The following CSMD2 variants were observed in gnomAD, a reference collection of about 807,000 sequenced individuals.
The protein encoded by CSMD2 is CUB and Sushi multiple domains 2, also known as CUB and sushi domain-containing protein 2.
CSMD2 carries 130 observed loss-of-function variants against 398.5 expected under a neutral mutation model. The observed-to-expected ratio is 0.33, with a 90% CI of 0.28 to 0.38. The LOEUF is 0.38. Among genes scored for constraint, CSMD2 ranks in the 10% least tolerant of loss-of-function variants. The pLI is 1.00. For missense variants in CSMD2, 3,829 were observed against 4,764.9 expected (o/e 0.80, Z 5.78); for synonymous variants, 1,828 against 1,908.5 (o/e 0.96, Z 1.10).
In CSMD2 at chr1:33,904,653, T is replaced by G. The variant is rs11578650; in HGVS notation, c.920+13441A>C. The stretch of plus-strand genomic sequence containing the variant: ...CACCTAAAAATGGAATGATAGGTTT[T>G]TTTGTTTGTTTTGTTTTGTTTTGTT... On this transcript the variant is annotated intron_variant, in intron 5 of 70. Transcript: ENST00000373381. Among the ~76,000 whole-genome samples, 6 of 85,274 alleles carry G rather than the reference T, an allele frequency of 7.0e-5. No homozygotes were observed. The South Asian group carries it at 2.2e-3, about 32-fold the overall frequency. 55.9% of individuals were successfully genotyped at this position (85,274 alleles called of 152,430 possible).
At chr1:33,831,315 G>A (rs546906386) in intron 6 of CSMD2, among the ~76,000 whole-genome samples, 73 of 152,250 alleles carry the variant, frequency 4.8e-4, no homozygotes, top group Admixed American at 1.4e-3. Flanking sequence ...CGGATTTCTC[G>A]GCAGAAACTC....
Position 33,541,118 on chromosome 1 carries a change from C to T in CSMD2, c.9457+12G>A, listed in dbSNP as rs1220811926. On this transcript the variant is annotated intron_variant, in intron 59 of 70. Coordinates refer to ENST00000373381, the MANE Select transcript of CSMD2 (RefSeq NM_001281956.2). ...TTTGGCTCTCTGTCCACATTTGCAGCCCCAGACACACCTTTGCAGACGGGC... is the reference window on the plus strand; with the variant it reads ...TTTGGCTCTCTGTCCACATTTGCAGTCCCAGACACACCTTTGCAGACGGGC... The T allele has an allele frequency of 5.0e-6, 8 of 1,612,580 alleles. No individual in the cohort carries two copies. The highest frequency in any genetic ancestry group is 6.8e-6 in the Non-Finnish European group (8 of 1,179,148).
At chr1:33,842,781 C>T (rs1253870288) in intron 6 of CSMD2, among the ~76,000 whole-genome samples, 1 of 152,146 alleles carries the variant, frequency 6.6e-6, no homozygotes, top group Non-Finnish European at 1.5e-5. Context: ...TTTTCTTCAA[C>T]TGTTCAAAAA....
chr1:33,782,301 T>C (rs1281303064), intron 12 of CSMD2, among the ~76,000 whole-genome samples: 3 of 151,950 alleles, frequency 2.0e-5, no homozygotes. Flanking sequence ...CTTCAGGTAA[T>C]GATGTAGGTT....
chr1:33,617,048 C>T (rs113550076), intron 38 of CSMD2, 73 bp from the exon 39 acceptor site: 9 of 1,222,858 alleles, frequency 7.4e-6, no homozygotes, highest in Non-Finnish European at 9.7e-6. Flanking sequence ...AGGGGCTGTA[C>T]AGGGGTCTGG....
At chr1:34,074,945 T>G (rs896249409) in intron 2 of CSMD2, among the ~76,000 whole-genome samples, 1 of 152,064 alleles carries the variant, frequency 6.6e-6, no homozygotes, top group African/African-American at 2.4e-5. Context: ...CACAAAGATC[T>G]CCCCCAAGGC....
At chr1:33,815,385 A>G (rs1657343015) in intron 9 of CSMD2, 1 of 152,144 alleles carries the variant, frequency 6.6e-6, no homozygotes, top group Non-Finnish European at 1.5e-5. Context: ...CTAACTTTTT[A>G]AAAGCAGTTG....
At chr1:34,136,625 G>A (rs1015510128) in intron 1 of CSMD2, among the ~76,000 whole-genome samples, 3 of 152,130 alleles carry the variant, frequency 2.0e-5, no homozygotes, top group African/African-American at 4.8e-5. Context: ...TGCATCATTC[G>A]CTTGTCAATT....
intron 2 of CSMD2, among the ~76,000 whole-genome samples, chr1:34,084,137 T>C (rs76262894): frequency 0.012 from 1,790 of 152,246 alleles, 30 homozygotes; most frequent in African/African-American, 0.039. Context: ...CTCATCCTCA[T>C]GGCTGGTTGG....
chr1:33,658,175 G>C (rs1313103367), intron 26 of CSMD2, 38 bp from the exon 27 acceptor site: 1 of 1,577,126 alleles, frequency 6.3e-7, no homozygotes, highest in Non-Finnish European at 8.7e-7. Context: ...AAGGTCGCCT[G>C]GGTGTCTGCC....
intron 5 of CSMD2, among the ~76,000 whole-genome samples, chr1:33,903,209 T>C (rs1482262017): frequency 6.6e-6 from 1 of 152,188 alleles, no homozygotes; most frequent in East Asian, 1.9e-4. Context: ...CTCTCTGAGG[T>C]TGCAAGTTTG....
chr1:34,039,075 C>A (rs1651522185), intron 2 of CSMD2, among the ~76,000 whole-genome samples: 2 of 152,272 alleles, frequency 1.3e-5, no homozygotes, highest in Admixed American at 1.3e-4. Context: ...TAGAAAGGTG[C>A]ATTCCTGACA....
chr1:33,586,499 A>G lies in CSMD2; in HGVS notation c.7051+5T>C. 1 of 1,600,028 alleles carries G rather than the reference A, an allele frequency of 6.2e-7. No homozygotes were observed. The highest frequency in any genetic ancestry group is 1.1e-5 in the South Asian group (1 of 90,738). ...CCCCATACAGATGCGGCTCCATGCA[A>G]TTACCTTCACATATCGGGGGTGGTC... On this transcript the variant is annotated splice_donor_5th_base_variant and intron_variant, in intron 46 of 70. Transcript: ENST00000373381.
At chr1:33,846,777 A>G in intron 6 of CSMD2, 107 bp downstream of exon 6, 1 of 572,200 alleles carries the variant, frequency 1.7e-6, no homozygotes. Context: ...CAAAGAAGGC[A>G]AGGATGCCTG....
Position 33,725,466 on chromosome 1 carries a change from C to A in CSMD2, c.2578G>T (p.Gly860Trp). 6.2e-7 allele frequency: 1 copy of A among 1,614,176 alleles called. No homozygotes were observed. The highest frequency in any genetic ancestry group is 1.1e-5 in the South Asian group (1 of 91,084). Residue 860 changes from glycine to tryptophan, a missense_variant, in exon 17 of 71, where the codon GGG becomes TGG. By Grantham distance (184) the Gly-to-Trp change is radical. Transcript: ENST00000373381. The part of the protein sequence containing the change: ...DGRTYSAPLI[G>W]VYHGTQVPQF... ...GGAACCTGGGTCCCGTGGTAAACCC[C>A]GATCAAGGGCGCTGAGTAAGTCCGC...
chr1:34,099,817 TCCCTGCTG>T (rs1347542200), intron 1 of CSMD2, among the ~76,000 whole-genome samples: 1 of 152,206 alleles, frequency 6.6e-6, no homozygotes, highest in Non-Finnish European at 1.5e-5. Flanking sequence ...CTTGACCTGG[TCCCTGCTG>T]CATCCCTAGT....
At chr1:34,052,351 G>A (rs1273396604) in intron 2 of CSMD2, among the ~76,000 whole-genome samples, 3 of 151,950 alleles carry the variant, frequency 2.0e-5, no homozygotes, top group Non-Finnish European at 4.4e-5. Context: ...GGTATTGTCA[G>A]TAATCTAGAG....
chr1:33,594,848 T>C (rs988851819), intron 44 of CSMD2, among the ~76,000 whole-genome samples: 1 of 152,210 alleles, frequency 6.6e-6, no homozygotes, highest in Non-Finnish European at 1.5e-5. Flanking sequence ...CTAGCTTCCC[T>C]TGGAAATAAA....
chr1:34,049,772 T>C (rs1167571494), intron 2 of CSMD2, among the ~76,000 whole-genome samples: 1 of 152,200 alleles, frequency 6.6e-6, no homozygotes, highest in Non-Finnish European at 1.5e-5. Context: ...ATTTTTCTCA[T>C]AACAATTACC....
Sources: gnomAD v4.1 joint callset for allele counts (sites outside exome capture counted in the v4.1 genomes callset) on GRCh38, gnomAD v4.1.1 for gene constraint, MANE v1.5 for transcripts, NCBI Gene and HGNC (gene_info 2026-07-23, HGNC 2026-07-21) for gene names.